The following ITGA6 variants were observed in gnomAD, a reference collection of about 807,000 sequenced individuals.
The protein encoded by ITGA6 is integrin subunit alpha 6.
ITGA6 carries 63 observed loss-of-function variants against 133.6 expected under a neutral mutation model. The observed-to-expected ratio is 0.47, with a 90% CI of 0.38 to 0.58. The LOEUF is 0.58. Among genes scored for constraint, ITGA6 ranks in the 20% least tolerant of loss-of-function variants. ITGA6 has a pLI of 0.00. For missense variants in ITGA6, 1,068 were observed against 1,309.4 expected (o/e 0.82, Z 2.85); for synonymous variants, 434 against 482.0 (o/e 0.90, Z 1.30).
chr2:172,440,802 G>A (rs10497381), intron 1 of ITGA6, among the ~76,000 whole-genome samples: 14,341 of 152,100 alleles, frequency 0.094, 1,570 homozygotes, highest in East Asian at 0.52. Flanking sequence ...AAAATGCCTG[G>A]CTATATTAGC....
In ITGA6 at chr2:172,497,799, A is replaced by C. The variant is rs1386802215; in HGVS notation, c.2989-176A>C. Among the ~76,000 whole-genome samples the C allele has an allele frequency of 3.3e-5, 5 of 152,200 alleles. No individual in the cohort carries two copies. The East Asian group carries it at 9.6e-4, about 29-fold the overall frequency. ...GATTCTGGGGAAAGATCTTCAAGGA[A>C]TGTCTCTTGAAGCAATATTCTGTTA... is the stretch of plus-strand genomic sequence containing the variant. On this transcript the variant is annotated intron_variant, in intron 23 of 25. Transcript: ENST00000684293.
At chr2:172,445,376 G>A (rs1351754517) in intron 1 of ITGA6, among the ~76,000 whole-genome samples, 2 of 145,220 alleles carry the variant, frequency 1.4e-5, no homozygotes, top group African/African-American at 5.1e-5. Context: ...AAGGCCGGGC[G>A]CGGTGGCTCA....
chr2:172,491,269 G>A lies in ITGA6; in HGVS notation c.2827G>A (p.Gly943Arg), dbSNP rs1574407133. 6.2e-7 allele frequency: 1 copy of A among 1,613,356 alleles called. No individual in the cohort carries two copies. The highest frequency in any genetic ancestry group is 8.5e-7 in the Non-Finnish European group (1 of 1,179,296). Residue 943 changes from glycine (G) to arginine (R), a missense_variant, in exon 22 of 26, where the codon GGG becomes AGG. By Grantham distance (125) the Gly-to-Arg change is moderately radical. Around this residue, in one of 3 missense-constraint regions of ITGA6, gnomAD observed 609 missense variants for 707.2 expected, o/e 0.86. Coordinates refer to ENST00000684293, the MANE Select transcript of ITGA6 (RefSeq NM_000210.4). This position sits in a 1 kb window ranked among gnomAD's most constrained non-coding sequence, Gnocchi z 4.4. Reference protein sequence around the residue: ...NCVNIRCPLRGLDSKASLILR... With the variant: ...NCVNIRCPLRRLDSKASLILR... The stretch of plus-strand genomic sequence containing the variant: ...TGTGAACATCAGATGCCCGCTGCGG[G>A]GGCTGGACAGCAAGGCGTCTCTTAT...
At chr2:172,471,198 G>T in intron 5 of ITGA6, 93 bp downstream of exon 5, 2 of 1,490,128 alleles carry the variant, frequency 1.3e-6, no homozygotes, top group South Asian at 1.1e-5. Flanking sequence ...GGACTTCTAG[G>T]CTGAGAAGAG....
In ITGA6 at chr2:172,487,533, T is replaced by C; in HGVS notation, c.2161-14T>C. The C allele has an allele frequency of 6.2e-7, 1 of 1,613,718 alleles. No individual in the cohort carries two copies. The highest frequency in any genetic ancestry group is 8.5e-7 in the Non-Finnish European group (1 of 1,179,582). On this transcript the variant is annotated splice_polypyrimidine_tract_variant and intron_variant, in intron 15 of 25. Transcript: ENST00000684293. The stretch of plus-strand genomic sequence containing the variant: ...AATGAGTGGATTGTGACCTAGCGTG[T>C]GTTTCTTTTACAGGAGAAACAGTTG...
chr2:172,455,365 G>T (rs1443974091), intron 1 of ITGA6, among the ~76,000 whole-genome samples: 1 of 152,124 alleles, frequency 6.6e-6, no homozygotes, highest in Non-Finnish European at 1.5e-5. Flanking sequence ...CTGAGGGCCT[G>T]CCACGTGCCA....
At position 172,427,801 on chromosome 2, in the gene ITGA6, G is replaced by T; in HGVS notation, c.13G>T (p.Gly5Trp). The change falls in exon 1 of 26, where the codon GGG becomes TGG. Residue 5 changes from glycine (G) to tryptophan (W), a missense_variant. Physicochemically the swap from Gly to Trp is radical, Grantham distance 184 (BLOSUM62 -2). Coordinates refer to ENST00000684293, the MANE Select transcript of ITGA6 (RefSeq NM_000210.4). Reference protein sequence around the residue: MAAAGQLCLLYLSAG... With the variant: MAAAWQLCLLYLSAG... Reference sequence around the variant, plus strand: ...CGTGCGTCCGCCCATGGCCGCCGCCGGGCAGCTGTGCTTGCTCTACCTGTC... The same window carrying T: ...CGTGCGTCCGCCCATGGCCGCCGCCTGGCAGCTGTGCTTGCTCTACCTGTC... 1 of 1,596,660 alleles carries T rather than the reference G, an allele frequency of 6.3e-7. No homozygotes were observed. Among genetic ancestry groups the T allele is most frequent in the Non-Finnish European group, 8.5e-7 (1 of 1,172,944 alleles).
At chr2:172,444,471 T>C (rs2149006503) in intron 1 of ITGA6, among the ~76,000 whole-genome samples, 1 of 152,246 alleles carries the variant, frequency 6.6e-6, no homozygotes, top group Admixed American at 6.5e-5. Flanking sequence ...TTTTTGAGTG[T>C]TTTTGAGTGC....
chr2:172,432,868 A>C (rs1474773130), intron 1 of ITGA6, among the ~76,000 whole-genome samples: 1 of 152,064 alleles, frequency 6.6e-6, no homozygotes, highest in Non-Finnish European at 1.5e-5. Flanking sequence ...GCAACTTGAC[A>C]GGGGTGTGGG....
chr2:172,441,558 T>TAAAAAAAAA (rs1559116474), intron 1 of ITGA6, among the ~76,000 whole-genome samples: 3 of 64,850 alleles, frequency 4.6e-5, no homozygotes, highest in African/African-American at 1.9e-4. Flanking sequence ...CGCTGTCTCT[T>TAAAAAAAAA]TAAAAAAAAA....
chr2:172,465,318 T>C, intron 1 of ITGA6: 2 of 609,770 alleles, frequency 3.3e-6, no homozygotes, highest in Non-Finnish European at 2.9e-6. Context: ...TTTTCCTCGT[T>C]TTGGTATCCC....
chr2:172,427,582 G>A (rs1048136371), upstream of ITGA6: 4 of 1,256,170 alleles, frequency 3.2e-6, no homozygotes, highest in Middle Eastern at 3.1e-4. Flanking sequence ...AGTCTCCAGA[G>A]AACAACGGGC....
chr2:172,458,469 T>A (rs2149027675), intron 1 of ITGA6, among the ~76,000 whole-genome samples: 1 of 152,136 alleles, frequency 6.6e-6, no homozygotes, highest in Non-Finnish European at 1.5e-5. Flanking sequence ...AAAAAATGCC[T>A]AAAACTAGGG....
At chr2:172,465,965 G>A in intron 2 of ITGA6, 2 of 471,092 alleles carry the variant, frequency 4.2e-6, no homozygotes, top group Non-Finnish European at 7.8e-6. Flanking sequence ...TCATTTCATA[G>A]CAATGAAGAG....
chr2:172,498,571 A>G (rs1410901387), intron 24 of ITGA6, among the ~76,000 whole-genome samples: 1 of 152,232 alleles, frequency 6.6e-6, no homozygotes, highest in African/African-American at 2.4e-5. Context: ...GAATAACTCT[A>G]TCTCAAGGGG....
chr2:172,454,465 A>AGTTCAAAGAGTAGAGAGTG (rs1218440249), intron 1 of ITGA6, among the ~76,000 whole-genome samples: 2 of 152,104 alleles, frequency 1.3e-5, no homozygotes, highest in Admixed American at 6.6e-5. Flanking sequence ...AGCCCACTGC[A>AGTTCAAAGAGTAGAGAGTG]GTTCAAAGAG....
intron 1 of ITGA6, among the ~76,000 whole-genome samples, chr2:172,442,694 A>G (rs1022867851): frequency 6.6e-6 from 1 of 152,188 alleles, no homozygotes; most frequent in Admixed American, 6.5e-5. Flanking sequence ...TTGCCAGCAC[A>G]GTGCCTGGCG....
At position 172,474,922 on chromosome 2, in the gene ITGA6, T is replaced by G; in HGVS notation, c.987-7T>G. The stretch of plus-strand genomic sequence containing the variant: ...TTCACGGCTCTTTCCCCTCATTATG[T>G]TTTTAGGTGGCAAGATATAGTTATT... On this transcript the variant is annotated splice_polypyrimidine_tract_variant and splice_region_variant and intron_variant, in intron 6 of 25. Transcript: ENST00000684293. The G allele has an allele frequency of 6.8e-7, 1 of 1,462,592 alleles. No individual in the cohort carries two copies. Among genetic ancestry groups the G allele is most frequent in the Non-Finnish European group, 9.6e-7 (1 of 1,041,872 alleles). 90.6% of individuals were successfully genotyped at this position (1,462,592 alleles called of 1,614,324 possible).
intron 20 of ITGA6, chr2:172,490,018 C>T (rs1413877950): frequency 4.6e-6 from 1 of 215,954 alleles, no homozygotes; most frequent in South Asian, 8.1e-5. Flanking sequence ...CAAGTAGAAC[C>T]AAACTCATTG....
Sources: gnomAD v4.1 joint callset for allele counts (sites outside exome capture counted in the v4.1 genomes callset) on GRCh38, gnomAD v4.1.1 for gene constraint, gnomAD v4.1.1 regional missense constraint, Gnocchi (gnomAD v3.1) non-coding constraint, MANE v1.5 for transcripts, NCBI Gene and HGNC (gene_info 2026-07-23, HGNC 2026-07-21) for gene names.